Variants in CHFR observed in about 807,000 individuals in gnomAD.
The protein encoded by CHFR is checkpoint with forkhead and ring finger domains, also known as E3 ubiquitin-protein ligase CHFR.
In CHFR, 57 loss-of-function variants were observed where a neutral mutation model predicts 87.6. The observed-to-expected ratio is 0.65, with a 90% CI of 0.53 to 0.81. The LOEUF (loss-of-function observed/expected upper bound fraction) is 0.81, where lower values mean the gene tolerates loss of function less well. Among genes scored for constraint, CHFR ranks in the 30% least tolerant of loss-of-function variants. The probability of loss-of-function intolerance (pLI) is 0.00; values close to 1 mark genes in which losing one functional copy is unlikely to be tolerated. For synonymous variants in CHFR, 381 were observed against 359.2 expected (o/e 1.06, Z -0.69); for missense variants, 797 against 865.8 (o/e 0.92, Z 1.00).
chr12:132,880,238 T>C (rs1257078908), intron 2 of CHFR, among the ~76,000 whole-genome samples: 1 of 152,154 alleles, frequency 6.6e-6, no homozygotes, highest in East Asian at 1.9e-4. Flanking sequence ...TCTAAAACTA[T>C]GAAACTTCCA....
chr12:132,884,929 T>C lies in CHFR; in HGVS notation c.133+2267A>G, dbSNP rs117802940. Among the ~76,000 whole-genome samples, 1,451 of 150,830 alleles carry C rather than the reference T, an allele frequency of 9.6e-3. 11 individuals carry two copies. The highest frequency in any genetic ancestry group is 0.016 in the Non-Finnish European group (1,093 of 67,704). On this transcript the variant is annotated intron_variant, in intron 2 of 17. Transcript: ENST00000450056. ...CAGTGAAACCCCATCTCTACTAAAATAGAAAAAAATAAGCCAGGTGTGGTG... is the reference window on the plus strand; with the variant it reads ...CAGTGAAACCCCATCTCTACTAAAACAGAAAAAAATAAGCCAGGTGTGGTG...
intron 1 of CHFR, 32 bp from the exon 2 acceptor site, chr12:132,887,372 T>C (rs1426536416): frequency 7.8e-7 from 1 of 1,280,932 alleles, no homozygotes; most frequent in Non-Finnish European, 9.9e-7. Context: ...CCATGGAGAC[T>C]CCCGACCCCA....
At chr12:132,887,409 C>T in intron 1 of CHFR, 69 bp from the exon 2 acceptor site, 2 of 1,134,768 alleles carry the variant, frequency 1.8e-6, no homozygotes, top group Non-Finnish European at 2.2e-6. Flanking sequence ...GCCCGCCCCA[C>T]CCCGCGGGCC....
At position 132,836,694 on chromosome 12, in the gene CHFR, CATCT is replaced by C. The variant is rs1259580201; in HGVS notation, c.*4856_*4859del. On this transcript the variant is annotated 3_prime_UTR_variant, in exon 18 of 18. Coordinates refer to ENST00000450056, the MANE Select transcript of CHFR (RefSeq NM_001161346.2). ...TGTGTGAGGAACTTTAAGACCCCAC[CATCT>C]AGACTCACCGCCTCAGAAGGAGACA... The C allele has an allele frequency of 4.4e-6, 2 of 455,996 alleles. No individual in the cohort carries two copies. The highest frequency in any genetic ancestry group is 4.0e-5 in the African/African-American group (2 of 50,072). 28.2% of individuals were successfully genotyped at this position (455,996 alleles called of 1,614,324 possible).
At position 132,877,554 on chromosome 12, in the gene CHFR, C is replaced by G; in HGVS notation, c.233+1G>C. 6.3e-7 allele frequency: 1 copy of G among 1,593,814 alleles called. No homozygotes were observed. Among genetic ancestry groups the G allele is most frequent in the South Asian group, 1.1e-5 (1 of 89,872 alleles). On this transcript the variant is annotated splice_donor_variant, in intron 3 of 17. Coordinates refer to ENST00000450056, the MANE Select transcript of CHFR (RefSeq NM_001161346.2). LOFTEE classifies it high-confidence loss of function. ...CCAAAAGAAGCTCAGAACATACTCA[C>G]CTGGTATCTTCCAGTGTCACCTGAC...
chr12:132,883,452 G>A (rs985253435), intron 2 of CHFR, among the ~76,000 whole-genome samples: 5 of 150,732 alleles, frequency 3.3e-5, no homozygotes, highest in South Asian at 2.1e-4. Context: ...AAGACTGGGC[G>A]CAGTGGCTCA....
rs1415622088 is a variant in CHFR at position 132,835,898 on chromosome 12, C to T, written c.*5656G>A. On this transcript the variant is annotated 3_prime_UTR_variant, in exon 18 of 18. Coordinates refer to ENST00000450056, the MANE Select transcript of CHFR (RefSeq NM_001161346.2). ...GCACGGCGCACGGCACTCACAGTGCCAGGCTCCCAGCACGGCGCACGGCAC... is the reference window on the plus strand; with the variant it reads ...GCACGGCGCACGGCACTCACAGTGCTAGGCTCCCAGCACGGCGCACGGCAC... 7 of 261,398 alleles carry T rather than the reference C, an allele frequency of 2.7e-5. No individual in the cohort carries two copies. Among genetic ancestry groups the T allele is most frequent in the East Asian group, 1.9e-4 (1 of 5,322 alleles). 16.2% of individuals were successfully genotyped at this position (261,398 alleles called of 1,614,324 possible). A position where few individuals can be genotyped will look rare whatever the true frequency, so the allele number is the denominator to read the frequency against.
chr12:132,849,528 C>G (rs1057289616), intron 12 of CHFR: 1 of 152,132 alleles, frequency 6.6e-6, no homozygotes, highest in African/African-American at 2.4e-5. Flanking sequence ...CACCCTAACA[C>G]GGCTTCGATG....
chr12:132,859,279 G>A (rs1481485834), intron 7 of CHFR, 52 bp from the exon 8 acceptor site: 11 of 1,549,204 alleles, frequency 7.1e-6, no homozygotes, highest in Non-Finnish European at 9.7e-6. Flanking sequence ...AATACACGCA[G>A]GTTCAGGTCA....
At chr12:132,857,224 G>A (rs1220392702) in intron 9 of CHFR, among the ~76,000 whole-genome samples, 181 bp downstream of exon 9, 2 of 146,166 alleles carry the variant, frequency 1.4e-5, no homozygotes, top group African/African-American at 2.6e-5. Flanking sequence ...CTGGGTGCTG[G>A]TGTGGATGCC....
At chr12:132,887,076 C>T (rs1462388927) in intron 2 of CHFR, 120 bp downstream of exon 2, 1 of 797,874 alleles carries the variant, frequency 1.3e-6, no homozygotes, top group Admixed American at 4.0e-5. Context: ...CCAGTTCTTA[C>T]ATGACATTTC....
intron 7 of CHFR, among the ~76,000 whole-genome samples, chr12:132,859,847 G>A (rs1438403006): frequency 1.3e-5 from 2 of 151,966 alleles, no homozygotes; most frequent in Non-Finnish European, 2.9e-5. Flanking sequence ...TTCAAGACCA[G>A]TCTGGGCAAT....
intron 7 of CHFR, among the ~76,000 whole-genome samples, chr12:132,860,182 CTG>C (rs1951182369): frequency 6.6e-6 from 1 of 152,194 alleles, no homozygotes; most frequent in Non-Finnish European, 1.5e-5. Flanking sequence ...GTATTTACCT[CTG>C]TGTTTCTAAG....
chr12:132,882,286 G>C (rs1951787206), intron 2 of CHFR, among the ~76,000 whole-genome samples: 1 of 152,288 alleles, frequency 6.6e-6, no homozygotes, highest in East Asian at 1.9e-4. Flanking sequence ...GATGATGGCA[G>C]ACACCCTGTG....
intron 2 of CHFR, among the ~76,000 whole-genome samples, chr12:132,883,631 G>A (rs1566208313): frequency 6.6e-6 from 1 of 152,160 alleles, no homozygotes. Context: ...GGAGGTTGAG[G>A]CAGGAGAATG....
At chr12:132,852,304 TCTATTATTTCCTATAAAGAGAG>T (rs1242594003) in intron 11 of CHFR, among the ~76,000 whole-genome samples, 6 of 152,142 alleles carry the variant, frequency 3.9e-5, no homozygotes, top group Non-Finnish European at 7.4e-5. Context: ...TTGAAGGTTT[TCTATTATTTCCTATAAAGAGAG>T]GACAAGCCCA....
rs1400328673 is a variant in CHFR, at chr12:132,834,256, T to C, written c.*7298A>G. On this transcript the variant is annotated 3_prime_UTR_variant, in exon 18 of 18. Transcript: ENST00000450056. ...CATCAGGTCAGCAGTTAGAGCTGAG[T>C]GTCTGCCACAGAGACCTAGAGCTAC... 3 of 152,272 alleles carry C rather than the reference T, an allele frequency of 2.0e-5. No homozygotes were observed. In the East Asian group the frequency reaches 5.8e-4, roughly 29 times the overall value. 9.4% of individuals were successfully genotyped at this position (152,272 alleles called of 1,614,324 possible). A position where few individuals can be genotyped will look rare whatever the true frequency, so the allele number is the denominator to read the frequency against.
intron 6 of CHFR, among the ~76,000 whole-genome samples, chr12:132,868,700 C>A (rs960862057): frequency 7.1e-6 from 1 of 141,810 alleles, no homozygotes; most frequent in Admixed American, 7.2e-5. Flanking sequence ...AAAAAGAGCA[C>A]GCATGATTCC....
chr12:132,874,200 T>C (rs1951561732), intron 3 of CHFR, among the ~76,000 whole-genome samples: 1 of 152,254 alleles, frequency 6.6e-6, no homozygotes, highest in Admixed American at 6.5e-5. Context: ...TTGTGTTTTT[T>C]AAATCCATTA....
Sources: allele counts gnomAD v4.1 joint callset (sites outside exome capture counted in the v4.1 genomes callset), GRCh38; gene constraint gnomAD v4.1.1; transcripts MANE v1.5; gene names NCBI Gene and HGNC (gene_info 2026-07-23, HGNC 2026-07-21).